DOP1A: variants seen among roughly 807,000 people sequenced by gnomAD.
The protein encoded by DOP1A is DOP1 leucine zipper like protein A, also known as protein DOP1A.
In DOP1A, 90 loss-of-function variants were observed where a neutral mutation model predicts 267.6. The observed-to-expected ratio is 0.34, with a 90% CI of 0.28 to 0.40. The LOEUF (loss-of-function observed/expected upper bound fraction) is 0.40. Among genes scored for constraint, DOP1A ranks in the 10% least tolerant of loss-of-function variants. DOP1A has a pLI of 1.00. For synonymous variants in DOP1A, 932 were observed against 999.1 expected (o/e 0.93, Z 1.27); for missense variants, 2,437 against 2,900.4 (o/e 0.84, Z 3.67).
Position 83,133,628 on chromosome 6 carries a change from T to C in DOP1A, c.2770-559T>C, listed in dbSNP as rs149031727. 7.7e-3 allele frequency among the ~76,000 whole-genome samples: 1,175 copies of C among 152,188 alleles called. 16 individuals are homozygous for C. The highest frequency in any genetic ancestry group is 0.026 in the African/African-American group (1,072 of 41,534). ...ATCTAAATAATTTATTTTTACATTG[T>C]TTTACCCATTATTATATTAATCTTT... is the stretch of plus-strand genomic sequence containing the variant. On this transcript the variant is annotated intron_variant, in intron 18 of 38. Coordinates refer to ENST00000349129, the MANE Select transcript of DOP1A (RefSeq NM_015018.4).
At position 83,157,325 on chromosome 6, in the gene DOP1A, T is replaced by C. The variant is rs1240241832; in HGVS notation, c.6741+7T>C. On this transcript the variant is annotated splice_region_variant and intron_variant, in intron 35 of 38. Coordinates refer to ENST00000349129, the MANE Select transcript of DOP1A (RefSeq NM_015018.4). ...TACCATGATTACAGAACTTGTGAGT[T>C]AATTTTAATTCAGTCAGGTTATAAA... 6.2e-7 allele frequency: 1 copy of C among 1,612,300 alleles called. No individual in the cohort carries two copies. Among genetic ancestry groups the C allele is most frequent in the South Asian group, 1.1e-5 (1 of 90,702 alleles).
chr6:83,079,069 C>T (rs997619145), intron 1 of DOP1A, among the ~76,000 whole-genome samples: 2 of 152,112 alleles, frequency 1.3e-5, no homozygotes, highest in African/African-American at 4.8e-5. Context: ...TTTACTTTGT[C>T]CATCAAGGGA....
At chr6:83,072,154 TC>T (rs2127968639) in intron 1 of DOP1A, among the ~76,000 whole-genome samples, 1 of 152,286 alleles carries the variant, frequency 6.6e-6, no homozygotes, top group South Asian at 2.1e-4. Flanking sequence ...GAAAATAAAT[TC>T]CCTGCTCTTA....
chr6:83,105,638 C>T (rs2128157334), intron 4 of DOP1A, among the ~76,000 whole-genome samples: 1 of 152,234 alleles, frequency 6.6e-6, no homozygotes, highest in South Asian at 2.1e-4. Flanking sequence ...GCTGAGGTTA[C>T]AGGCGTGAGC....
chr6:83,170,275 C>T, downstream of DOP1A: 1 of 1,605,406 alleles, frequency 6.2e-7, no homozygotes, highest in Non-Finnish European at 8.5e-7. Context: ...TAATATTAGG[C>T]TCTTTTTCAA....
intron 36 of DOP1A, among the ~76,000 whole-genome samples, chr6:83,159,197 C>T (rs959900680): frequency 3.3e-5 from 5 of 152,166 alleles, no homozygotes. Flanking sequence ...AGAATTTTCT[C>T]ATCCTTGCAG....
chr6:83,149,579 T>C (rs1781226015), intron 27 of DOP1A, among the ~76,000 whole-genome samples: 2 of 152,060 alleles, frequency 1.3e-5, no homozygotes, highest in South Asian at 4.1e-4. Context: ...GGCAGGATCT[T>C]GAATTTTATT....
chr6:83,122,865 A>C lies in DOP1A; in HGVS notation c.1223A>C (p.Lys408Thr). 2.0e-6 allele frequency: 3 copies of C among 1,467,710 alleles called. No individual in the cohort carries two copies. In the South Asian group the frequency reaches 4.2e-5, roughly 21 times the overall value. 90.9% of individuals were successfully genotyped at this position (1,467,710 alleles called of 1,614,324 possible). A position where few individuals can be genotyped will look rare whatever the true frequency, so the allele number is the denominator to read the frequency against. Residue 408 changes from lysine to threonine, a missense_variant and splice_region_variant, in exon 12 of 39, where the codon AAA (lysine) becomes ACA (threonine). Coordinates refer to ENST00000349129, the MANE Select transcript of DOP1A (RefSeq NM_015018.4). ...FSKDHAQLSSKLRENKKTAEL... is the reference protein window; with the variant it reads ...FSKDHAQLSSTLRENKKTAEL... ...TGTTTTCTTTTCTCTTTTTTCAGTA[A>C]ATTAAGAGAAAATAAGAAAACAGCA... is the stretch of plus-strand genomic sequence containing the variant.
chr6:83,094,434 A>C (rs7758347), intron 1 of DOP1A, among the ~76,000 whole-genome samples: 117,661 of 152,124 alleles, frequency 0.77, 45,581 homozygotes, highest in Middle Eastern at 0.83. Context: ...AGTGGAATTT[A>C]TGGCTTATAG....
rs567550317 is a variant in DOP1A, at chr6:83,087,982, C to T, written c.-146-8749C>T. On this transcript the variant is annotated intron_variant, in intron 1 of 38. Transcript: ENST00000349129. ...CGCCTCCCAGGTTCATGCCATTCTCCTGCCTCAGCCTCCCGAGTAGTTGGG... is the reference window on the plus strand; with the variant it reads ...CGCCTCCCAGGTTCATGCCATTCTCTTGCCTCAGCCTCCCGAGTAGTTGGG... Among the ~76,000 whole-genome samples, 12 of 152,264 alleles carry T rather than the reference C, an allele frequency of 7.9e-5. No individual in the cohort carries two copies. In the East Asian group the frequency reaches 2.3e-3, roughly 29 times the overall value.
At chr6:83,107,872 T>C (rs6906567) in intron 4 of DOP1A, among the ~76,000 whole-genome samples, 99,261 of 152,102 alleles carry the variant, frequency 0.65, 33,889 homozygotes, top group Middle Eastern at 0.78. Flanking sequence ...TCAGTATAGC[T>C]GGAGCAGAGG....
chr6:83,094,703 C>T (rs1247749503), intron 1 of DOP1A, among the ~76,000 whole-genome samples: 1 of 152,164 alleles, frequency 6.6e-6, no homozygotes, highest in Admixed American at 6.5e-5. Flanking sequence ...TGTCCATTCA[C>T]ATCTGTTGCC....
chr6:83,074,514 A>T (rs1766688475), intron 1 of DOP1A, among the ~76,000 whole-genome samples: 1 of 152,192 alleles, frequency 6.6e-6, no homozygotes, highest in Admixed American at 6.5e-5. Context: ...TGCAAAAATG[A>T]TACACATCCA....
chr6:83,136,766 C>T (rs1273502954), intron 20 of DOP1A, among the ~76,000 whole-genome samples: 1 of 152,086 alleles, frequency 6.6e-6, no homozygotes, highest in East Asian at 1.9e-4. Flanking sequence ...TTCTCACCTC[C>T]CCTCTGAGAT....
At chr6:83,082,177 A>C (rs1313709702) in intron 1 of DOP1A, among the ~76,000 whole-genome samples, 1 of 152,258 alleles carries the variant, frequency 6.6e-6, no homozygotes, top group Non-Finnish European at 1.5e-5. Context: ...CTGAGTATAT[A>C]TCCAAAGAAA....
At chr6:83,166,537 T>C in intron 38 of DOP1A, 2 of 664,686 alleles carry the variant, frequency 3.0e-6, no homozygotes, top group Admixed American at 2.3e-5. Context: ...AAAATAAATA[T>C]AAACAGCAAT....
intron 24 of DOP1A, among the ~76,000 whole-genome samples, chr6:83,145,154 T>TTATATATATAATATATATATTTAAAAG (rs1780324414): frequency 7.5e-5 from 1 of 13,282 alleles, no homozygotes; most frequent in African/African-American, 2.5e-4. Context: ...AATTTTACTT[T>TTATATATATAATATATATATTTAAAAG]TATATATATA....
chr6:83,152,423 A>G lies in DOP1A; in HGVS notation c.6129+56A>G, dbSNP rs1781871494. The G allele has an allele frequency of 2.5e-6, 2 of 792,038 alleles. No individual in the cohort carries two copies. The highest frequency in any genetic ancestry group is 3.8e-6 in the Non-Finnish European group (2 of 528,156). The allele number at this position is 792,038 out of a possible 1,614,324, so 49.1% of individuals were successfully genotyped here. On this transcript the variant is annotated intron_variant, in intron 30 of 38. Coordinates refer to ENST00000349129, the MANE Select transcript of DOP1A (RefSeq NM_015018.4). ...CAAGTAGACTGTTTCATTATTAAAA[A>G]TTAGCAAGTAATTTTTATAGAGGAA...
chr6:83,141,927 A>C lies in DOP1A; in HGVS notation c.5422A>C (p.Arg1808=). ...TTGCTTCAAATTGTTTTAGAACTTG[A>C]GACAACAGATTCTTGAATTGTTGGG... ...TINLGATKNL[R]QQILELLGPI... Residue 1808 remains arginine (R), a synonymous_variant, in exon 24 of 39, where the codon AGA becomes CGA. Transcript: ENST00000349129. The C allele has an allele frequency of 3.1e-6, 5 of 1,595,866 alleles. No homozygotes were observed. Among genetic ancestry groups the C allele is most frequent in the Non-Finnish European group, 3.4e-6 (4 of 1,175,336 alleles).
Sources: allele counts gnomAD v4.1 joint callset (sites outside exome capture counted in the v4.1 genomes callset), GRCh38; gene constraint gnomAD v4.1.1; transcripts MANE v1.5; gene names NCBI Gene and HGNC (gene_info 2026-07-23, HGNC 2026-07-21).